The following ANKRD44 variants were observed in gnomAD, a reference collection of about 807,000 sequenced individuals.
ANKRD44 encodes the protein serine/threonine-protein phosphatase 6 regulatory ankyrin repeat subunit B.
In ANKRD44, 35 loss-of-function variants were observed where a neutral mutation model predicts 116.0. The observed-to-expected ratio is 0.30, with a 90% CI of 0.23 to 0.40. ANKRD44 has a LOEUF of 0.40. ANKRD44 is among the 10% of genes least tolerant of loss of function. ANKRD44 has a pLI of 1.00. For missense variants in ANKRD44, 1,014 were observed against 1,242.6 expected (o/e 0.82, Z 2.77); for synonymous variants, 435 against 461.8 (o/e 0.94, Z 0.74).
chr2:197,027,489 G>A (rs933921582), intron 16 of ANKRD44, among the ~76,000 whole-genome samples: 1 of 152,064 alleles, frequency 6.6e-6, no homozygotes. Flanking sequence ...CAGGACTGAT[G>A]CCTGGGGCAC....
intron 21 of ANKRD44, among the ~76,000 whole-genome samples, chr2:197,002,102 C>T (rs1436850860): frequency 1.3e-5 from 2 of 152,160 alleles, no homozygotes; most frequent in African/African-American, 2.4e-5. Flanking sequence ...CATTTGCAAG[C>T]AGAATATATT....
At chr2:196,995,498 G>T in intron 25 of ANKRD44, 37 bp from the exon 26 acceptor site, 1 of 1,462,868 alleles carries the variant, frequency 6.8e-7, no homozygotes, top group South Asian at 1.2e-5. Flanking sequence ...ATGCAAGATA[G>T]AGACACAGAA....
At position 197,246,350 on chromosome 2, in the gene ANKRD44, C is replaced by CT. The variant is rs67655796; in HGVS notation, c.28-59245dup. Among the ~76,000 whole-genome samples the CT allele has an allele frequency of 4.6e-5, 3 of 65,868 alleles. 1 individual carries two copies. The highest frequency in any genetic ancestry group is 6.7e-5 in the African/African-American group (1 of 14,846). 43.2% of individuals were successfully genotyped at this position (65,868 alleles called of 152,430 possible). ...TACAAGTATGCACCACTACATCTGGCTTTTTTTTTTTTTTTTTTTTTTTTT... is the reference window on the plus strand; with the variant it reads ...TACAAGTATGCACCACTACATCTGGCTTTTTTTTTTTTTTTTTTTTTTTTTT... On this transcript the variant is annotated intron_variant, in intron 1 of 27. Transcript: ENST00000282272.
At chr2:197,298,788 G>A (rs756353116) in intron 1 of ANKRD44, among the ~76,000 whole-genome samples, 4 of 151,978 alleles carry the variant, frequency 2.6e-5, no homozygotes, top group African/African-American at 4.8e-5. Context: ...GTAGTGGCAC[G>A]CACCTGTAGT....
chr2:197,245,934 A>G (rs898251990), intron 1 of ANKRD44, among the ~76,000 whole-genome samples: 3 of 152,230 alleles, frequency 2.0e-5, no homozygotes, highest in Non-Finnish European at 4.4e-5. Context: ...TAGAAAACAG[A>G]TAACAGGAAA....
chr2:197,175,399 G>A (rs1165246043), intron 2 of ANKRD44, among the ~76,000 whole-genome samples: 3 of 152,168 alleles, frequency 2.0e-5, no homozygotes, highest in Non-Finnish European at 4.4e-5. Flanking sequence ...TCCTGCATGT[G>A]TGTTTTCAGT....
chr2:197,025,720 T>C (rs1008453609), intron 16 of ANKRD44, among the ~76,000 whole-genome samples: 1 of 152,182 alleles, frequency 6.6e-6, no homozygotes, highest in African/African-American at 2.4e-5. Flanking sequence ...TGATATGGAG[T>C]GACTGACAGG....
At chr2:197,074,262 G>A (rs1377025555) in intron 16 of ANKRD44, among the ~76,000 whole-genome samples, 1 of 152,202 alleles carries the variant, frequency 6.6e-6, no homozygotes, top group African/African-American at 2.4e-5. Context: ...TGCCTGCTGG[G>A]AGGTCAGGCA....
At chr2:197,227,990 A>G (rs1377992500) in intron 1 of ANKRD44, among the ~76,000 whole-genome samples, 1 of 152,240 alleles carries the variant, frequency 6.6e-6, no homozygotes, top group African/African-American at 2.4e-5. Flanking sequence ...CCAAAACAAA[A>G]GAGCTGATTA....
intron 26 of ANKRD44, among the ~76,000 whole-genome samples, chr2:196,994,016 A>G (rs2125882412): frequency 6.6e-6 from 1 of 152,292 alleles, no homozygotes; most frequent in South Asian, 2.1e-4. Flanking sequence ...CATTTGAATC[A>G]CTGTTTCACA....
intron 1 of ANKRD44, among the ~76,000 whole-genome samples, chr2:197,251,485 A>G (rs562197598): frequency 1.3e-5 from 2 of 152,348 alleles, no homozygotes; most frequent in East Asian, 3.9e-4. Context: ...ATGTAAGAAT[A>G]TACTCGTTTT....
At chr2:197,185,398 G>C (rs1292105228) in intron 2 of ANKRD44, among the ~76,000 whole-genome samples, 1 of 152,198 alleles carries the variant, frequency 6.6e-6, no homozygotes, top group Admixed American at 6.5e-5. Flanking sequence ...GCATTCAGCC[G>C]ACCAGACAGA....
In ANKRD44 at chr2:197,122,284, T is replaced by C. The variant is rs138907499; in HGVS notation, c.693+366A>G. Among the ~76,000 whole-genome samples, 439 of 152,332 alleles carry C rather than the reference T, an allele frequency of 2.9e-3. 1 individual carries two copies. The highest frequency in any genetic ancestry group is 0.017 in the East Asian group (86 of 5,186). On this transcript the variant is annotated intron_variant, in intron 7 of 27. Transcript: ENST00000282272. ...CCAGCTCAAGAGTAGACATTGCTGC[T>C]GTTTGTCTCTGCCATTTATTCATTC...
intron 7 of ANKRD44, among the ~76,000 whole-genome samples, chr2:197,122,365 C>T (rs111494483): frequency 6.6e-6 from 1 of 152,120 alleles, no homozygotes; most frequent in African/African-American, 2.4e-5. Flanking sequence ...GGATGCAGAA[C>T]CTTGGCCAGT....
intron 16 of ANKRD44, among the ~76,000 whole-genome samples, chr2:197,065,831 T>C (rs1174513212): frequency 6.6e-6 from 1 of 152,142 alleles, no homozygotes; most frequent in African/African-American, 2.4e-5. Flanking sequence ...CAGGACCAGA[T>C]GGATTCACAG....
chr2:197,149,569 G>C lies in ANKRD44; in HGVS notation c.112-2464C>G, dbSNP rs1442748877. ...ATTGATACTCTCCTTTAGTGACATG[G>C]CACAGACAGGTAACTGCAGAGAAGA... is the stretch of plus-strand genomic sequence containing the variant. On this transcript the variant is annotated intron_variant, in intron 2 of 27. Transcript: ENST00000282272. Among the ~76,000 whole-genome samples, 11 of 152,302 alleles carry C rather than the reference G, an allele frequency of 7.2e-5. No homozygotes were observed. In the Middle Eastern group the frequency reaches 0.01, roughly 141 times the overall value.
In ANKRD44 at chr2:197,219,363, T is replaced by C. The variant is rs181437006; in HGVS notation, c.28-32257A>G. Among the ~76,000 whole-genome samples the C allele has an allele frequency of 5.5e-3, 832 of 152,282 alleles. 7 individuals carry two copies. Among genetic ancestry groups the C allele is most frequent in the African/African-American group, 0.019 (783 of 41,556 alleles). The stretch of plus-strand genomic sequence containing the variant: ...GATTACAGACATGAGCCACTGCGCC[T>C]GGCCCTAAAGTCACTTTTTTAAAAC... On this transcript the variant is annotated intron_variant, in intron 1 of 27. Coordinates refer to ENST00000282272, the MANE Select transcript of ANKRD44 (RefSeq NM_001195144.2).
At chr2:197,147,732 T>C (rs750973728) in intron 2 of ANKRD44, 7 of 285,732 alleles carry the variant, frequency 2.4e-5, no homozygotes, top group Non-Finnish European at 4.3e-5. Context: ...CTGACAATAG[T>C]ATACTAGACA....
intron 9 of ANKRD44, among the ~76,000 whole-genome samples, chr2:197,102,495 T>G (rs1284467053): frequency 6.6e-6 from 1 of 152,234 alleles, no homozygotes; most frequent in Non-Finnish European, 1.5e-5. Context: ...TGCTATCTGA[T>G]GGGTGAGAGC....
Sources: allele counts gnomAD v4.1 joint callset (sites outside exome capture counted in the v4.1 genomes callset), GRCh38; gene constraint gnomAD v4.1.1; transcripts MANE v1.5; gene names NCBI Gene and HGNC (gene_info 2026-07-23, HGNC 2026-07-21).